The following ZDHHC14 variants were observed in gnomAD, a reference collection of about 807,000 sequenced individuals.
ZDHHC14 encodes palmitoyltransferase ZDHHC14.
ZDHHC14 carries 16 observed loss-of-function variants against 47.7 expected under a neutral mutation model. The observed-to-expected ratio is 0.34, with a 90% CI of 0.23 to 0.51. ZDHHC14 has a LOEUF of 0.51. Ranked by LOEUF, ZDHHC14 falls within the 20% of genes least tolerant of loss-of-function variation. The pLI is 0.97. For synonymous variants in ZDHHC14, 293 were observed against 278.9 expected, an observed-to-expected ratio of 1.05 and a Z score of -0.50; for missense variants, 515 against 662.5, an observed-to-expected ratio of 0.78 and a Z score of 2.44.
intron 2 of ZDHHC14, among the ~76,000 whole-genome samples, chr6:157,564,044 G>A (rs1163795425): frequency 6.6e-6 from 1 of 152,160 alleles, no homozygotes; most frequent in Non-Finnish European, 1.5e-5. Flanking sequence ...TTGCAGAGAG[G>A]AAACTGGGCT....
intron 2 of ZDHHC14, among the ~76,000 whole-genome samples, chr6:157,562,517 G>C (rs1242844899): frequency 6.6e-6 from 1 of 152,116 alleles, no homozygotes; most frequent in African/African-American, 2.4e-5. Context: ...TTTGGGGTGG[G>C]GGCTCCCGAG....
At chr6:157,519,484 G>C (rs1342618681) in intron 1 of ZDHHC14, among the ~76,000 whole-genome samples, 2 of 152,160 alleles carry the variant, frequency 1.3e-5, no homozygotes, top group African/African-American at 4.8e-5. Context: ...ATGAGCTCAT[G>C]GGAGAAGTAA....
At chr6:157,595,539 GACTT>G (rs1784092920) in intron 3 of ZDHHC14, among the ~76,000 whole-genome samples, 1 of 152,056 alleles carries the variant, frequency 6.6e-6, no homozygotes, top group African/African-American at 2.4e-5. Flanking sequence ...AATCTACTGT[GACTT>G]ACTATTTTAA....
intron 1 of ZDHHC14, among the ~76,000 whole-genome samples, chr6:157,455,946 C>T (rs2114808142): frequency 6.6e-6 from 1 of 152,310 alleles, no homozygotes; most frequent in Non-Finnish European, 1.5e-5. Context: ...GACCGGGTCA[C>T]ACCCCTTTAA....
chr6:157,504,183 CAT>C (rs949898059), intron 1 of ZDHHC14, among the ~76,000 whole-genome samples: 1 of 97,488 alleles, frequency 1.0e-5, no homozygotes, highest in Non-Finnish European at 1.9e-5. Flanking sequence ...GCAACATGGG[CAT>C]ATATATATTT....
chr6:157,533,384 G>A (rs1280180052), intron 1 of ZDHHC14, among the ~76,000 whole-genome samples: 1 of 152,206 alleles, frequency 6.6e-6, no homozygotes, highest in Admixed American at 6.5e-5. Flanking sequence ...AGACGGGATG[G>A]CTGGTCATAG....
chr6:157,512,363 G>GTCCTCATCACCAGCTCCGGTAA (rs1309237973), intron 1 of ZDHHC14, among the ~76,000 whole-genome samples: 1 of 152,228 alleles, frequency 6.6e-6, no homozygotes, highest in East Asian at 1.9e-4. Context: ...CCCTCTGGTA[G>GTCCTCATCACCAGCTCCGGTAA]TCCTCATCAC....
At chr6:157,478,097 G>A (rs762154335) in intron 1 of ZDHHC14, among the ~76,000 whole-genome samples, 12 of 152,114 alleles carry the variant, frequency 7.9e-5, no homozygotes, top group Non-Finnish European at 1.3e-4. Flanking sequence ...TAGGTTCAGT[G>A]CCACATCCTG....
At chr6:157,417,068 TC>T (rs1349450050) in intron 1 of ZDHHC14, among the ~76,000 whole-genome samples, 2 of 146,150 alleles carry the variant, frequency 1.4e-5, no homozygotes, top group Non-Finnish European at 3.0e-5. Context: ...GACCTCGTGA[TC>T]TTCCTACCTC....
chr6:157,618,219 C>T (rs1244087725), intron 3 of ZDHHC14, among the ~76,000 whole-genome samples: 3 of 151,978 alleles, frequency 2.0e-5, no homozygotes, highest in African/African-American at 4.8e-5. Flanking sequence ...GCACTGCTCA[C>T]GTGGAGCTTA....
Position 157,498,230 on chromosome 6 carries a change from A to T in ZDHHC14, c.246-44355A>T, listed in dbSNP as rs145097240. On this transcript the variant is annotated intron_variant, in intron 1 of 8. Coordinates refer to ENST00000359775, the MANE Select transcript of ZDHHC14 (RefSeq NM_024630.3). ...GGTGGGCGGATCTCTTAAGGCCAGG[A>T]GTTCGAGACCAGCCTGGACAACATA... Among the ~76,000 whole-genome samples, 59 of 151,152 alleles carry T rather than the reference A, an allele frequency of 3.9e-4. 2 individuals carry two copies. The highest frequency in any genetic ancestry group is 1.4e-3 in the African/African-American group (59 of 41,044).
intron 1 of ZDHHC14, among the ~76,000 whole-genome samples, chr6:157,410,872 T>C (rs1326512103): frequency 6.6e-6 from 1 of 152,154 alleles, no homozygotes; most frequent in Non-Finnish European, 1.5e-5. Flanking sequence ...AATTTTTGTA[T>C]TTTTAGTAGA....
At chr6:157,387,739 G>A (rs1777346206) in intron 1 of ZDHHC14, among the ~76,000 whole-genome samples, 2 of 152,198 alleles carry the variant, frequency 1.3e-5, no homozygotes, top group South Asian at 4.1e-4. Context: ...TGAGGATGGG[G>A]ACTCGCCTTG....
chr6:157,428,194 C>T (rs1470964893), intron 1 of ZDHHC14, among the ~76,000 whole-genome samples: 3 of 152,168 alleles, frequency 2.0e-5, no homozygotes, highest in Non-Finnish European at 2.9e-5. Context: ...TTGGTGTTTG[C>T]ATGGGTGGCA....
At chr6:157,572,620 A>T (rs931369342) in intron 2 of ZDHHC14, among the ~76,000 whole-genome samples, 1 of 147,642 alleles carries the variant, frequency 6.8e-6, no homozygotes, top group Non-Finnish European at 1.5e-5. Context: ...CATTAGGTAT[A>T]TCTCCTAATG....
rs998106256 is a variant in ZDHHC14 at position 157,676,801 on chromosome 6, CCT to C, written c.*3680_*3681del. The C allele has an allele frequency of 6.6e-6, 1 of 152,274 alleles. No individual in the cohort carries two copies. The highest frequency in any genetic ancestry group is 1.5e-5 in the Non-Finnish European group (1 of 68,084). 9.4% of individuals were successfully genotyped at this position (152,274 alleles called of 1,614,324 possible). On this transcript the variant is annotated 3_prime_UTR_variant, in exon 9 of 9. Coordinates refer to ENST00000359775, the MANE Select transcript of ZDHHC14 (RefSeq NM_024630.3). ...ACGCTTCTCTGTAACCTGACTTCTCCCTTCAGACCTCAGCCTACAACCATCCT... is the reference window on the plus strand; with the variant it reads ...ACGCTTCTCTGTAACCTGACTTCTCCTCAGACCTCAGCCTACAACCATCCT...
intron 2 of ZDHHC14, among the ~76,000 whole-genome samples, chr6:157,557,474 T>C (rs1782522757): frequency 6.6e-6 from 1 of 152,154 alleles, no homozygotes; most frequent in Non-Finnish European, 1.5e-5. Context: ...TTTATAGACA[T>C]GGACAGAAAG....
chr6:157,591,143 C>G (rs1245915246), intron 2 of ZDHHC14, among the ~76,000 whole-genome samples: 1 of 152,190 alleles, frequency 6.6e-6, no homozygotes, highest in Non-Finnish European at 1.5e-5. Context: ...ACAGAAGAAA[C>G]TTGCCTTGTC....
Position 157,643,070 on chromosome 6 carries a change from G to T in ZDHHC14, c.753-2667G>T, listed in dbSNP as rs1777335623. The stretch of plus-strand genomic sequence containing the variant: ...CAAGCAAATTACTTCATTGCTTTCT[G>T]CCTCAGTTTCCCTGTGTGTTAAGAG... On this transcript the variant is annotated intron_variant, in intron 5 of 8. Coordinates refer to ENST00000359775, the MANE Select transcript of ZDHHC14 (RefSeq NM_024630.3). Among the ~76,000 whole-genome samples, 3 of 152,328 alleles carry T rather than the reference G, an allele frequency of 2.0e-5. No homozygotes were observed. In the South Asian group the frequency reaches 6.2e-4, roughly 32 times the overall value.
Sources: gnomAD v4.1 joint callset for allele counts (sites outside exome capture counted in the v4.1 genomes callset) on GRCh38, gnomAD v4.1.1 for gene constraint, MANE v1.5 for transcripts, NCBI Gene and HGNC (gene_info 2026-07-23, HGNC 2026-07-21) for gene names.